KLHL4: variants seen among roughly 807,000 people sequenced by gnomAD.
The protein encoded by KLHL4 is kelch like family member 4.
In KLHL4, 17 loss-of-function variants were observed where a neutral mutation model predicts 45.8. That is an observed-to-expected ratio of 0.37 (90% CI 0.25 to 0.56). The LOEUF is 0.56. Among genes scored for constraint, KLHL4 ranks in the 20% least tolerant of loss-of-function variants. The pLI, the probability that KLHL4 is intolerant of heterozygous loss-of-function variation, is 0.79. For synonymous variants in KLHL4, 224 were observed against 189.9 expected (o/e 1.18, Z -1.47); for missense variants, 544 against 544.9 (o/e 1.00, Z 0.02).
intron 1 of KLHL4, among the ~76,000 whole-genome samples, chrX:87,605,190 G>T (rs1197268143): frequency 4.5e-5 from 5 of 111,393 alleles, no homozygotes; most frequent in African/African-American, 1.6e-4. Context: ...TTGAAGTTAG[G>T]TAGCATGATG....
At chrX:87,643,558 T>C (rs937401915) in intron 9 of KLHL4, among the ~76,000 whole-genome samples, 2 of 111,703 alleles carry the variant, frequency 1.8e-5, no homozygotes, top group African/African-American at 6.5e-5. Context: ...ATTCATTCTA[T>C]GAAGCCAGCA....
At chrX:87,583,852 G>A (rs965073901) in intron 1 of KLHL4, among the ~76,000 whole-genome samples, 1 of 111,012 alleles carries the variant, frequency 9.0e-6, no homozygotes, top group African/African-American at 3.3e-5. Flanking sequence ...ACCACAAGGG[G>A]GCAGAGCACA....
At chrX:87,623,288 C>CTTTTTTTTTTTTTTTTT (rs67869297) in intron 5 of KLHL4, among the ~76,000 whole-genome samples, 1 of 50,202 alleles carries the variant, frequency 2.0e-5, no homozygotes, top group Non-Finnish European at 3.3e-5. Flanking sequence ...TTCCTTTTTT[C>CTTTTTTTTTTTTTTTTT]TTTTTTTTTT....
intron 1 of KLHL4, among the ~76,000 whole-genome samples, chrX:87,591,121 C>T (rs192517978): frequency 1.8e-4 from 20 of 111,888 alleles, no homozygotes; most frequent in African/African-American, 6.5e-4. Context: ...TTAGAGTTCC[C>T]TTTTCTCCCA....
chrX:87,532,004 A>G (rs1188967988), intron 1 of KLHL4, among the ~76,000 whole-genome samples: 27 of 108,168 alleles, frequency 2.5e-4, no homozygotes, highest in Non-Finnish European at 3.6e-4. Flanking sequence ...TATGGAACCA[A>G]AAAAGAGCCC....
intron 9 of KLHL4, among the ~76,000 whole-genome samples, chrX:87,652,884 C>T (rs944145187): frequency 2.7e-5 from 3 of 111,930 alleles, no homozygotes; most frequent in African/African-American, 9.7e-5. Context: ...AAAGACATAC[C>T]CAAGACTGGG....
At chrX:87,558,140 A>C (rs779362983) in intron 1 of KLHL4, among the ~76,000 whole-genome samples, 10 of 111,771 alleles carry the variant, frequency 8.9e-5, no homozygotes, top group Non-Finnish European at 1.3e-4. Context: ...TTTTTGTTCT[A>C]GGGCATTTTG....
At chrX:87,633,646 A>T in intron 7 of KLHL4, 103 bp from the exon 8 acceptor site, 1 of 655,379 alleles carries the variant, frequency 1.5e-6, no homozygotes, top group Non-Finnish European at 2.2e-6. Context: ...ATCGTTTAAT[A>T]AGCAAAACAA....
At chrX:87,614,620 CATT>C (rs1012435017) in intron 3 of KLHL4, 50 bp downstream of exon 3, 4 of 1,073,933 alleles carry the variant, frequency 3.7e-6, no homozygotes, top group Non-Finnish European at 5.1e-6. Flanking sequence ...TTACATAACA[CATT>C]ATTATTAGTA....
chrX:87,539,345 A>T (rs974086378), intron 1 of KLHL4, among the ~76,000 whole-genome samples: 1 of 110,619 alleles, frequency 9.0e-6, no homozygotes, highest in African/African-American at 3.3e-5. Flanking sequence ...AAAATAAAAA[A>T]TATACCATGT....
At chrX:87,642,378 A>G (rs931197194) in intron 9 of KLHL4, among the ~76,000 whole-genome samples, 10 of 111,790 alleles carry the variant, frequency 8.9e-5, no homozygotes, top group African/African-American at 3.3e-4. Context: ...GTGGGACAAA[A>G]GAAATCTGAA....
At position 87,530,047 on chromosome X, in the gene KLHL4, G is replaced by A. The variant is rs1384350863; in HGVS notation, c.422+11732G>A. 9.0e-5 allele frequency among the ~76,000 whole-genome samples: 10 copies of A among 110,681 alleles called. No homozygotes were observed. The East Asian group carries it at 1.7e-3, about 19-fold the overall frequency. ...GCCCTTTGTCAGATGAGTAGGTTGC[G>A]AAAATTTTCTCCCATTTTGTAGGTT... is the stretch of plus-strand genomic sequence containing the variant. On this transcript the variant is annotated intron_variant, in intron 1 of 10. Coordinates refer to ENST00000373119, the MANE Select transcript of KLHL4 (RefSeq NM_019117.5).
intron 1 of KLHL4, among the ~76,000 whole-genome samples, chrX:87,584,808 A>G (rs1921407352): frequency 9.1e-6 from 1 of 109,472 alleles, no homozygotes; most frequent in Admixed American, 9.8e-5. Context: ...GTTCATTTAA[A>G]GGGATAATAA....
intron 1 of KLHL4, among the ~76,000 whole-genome samples, chrX:87,578,865 C>G (rs1276935463): frequency 2.7e-5 from 3 of 112,047 alleles, no homozygotes; most frequent in African/African-American, 9.7e-5. Context: ...TACAATGTAA[C>G]ACAGCTTTGT....
intron 1 of KLHL4, among the ~76,000 whole-genome samples, chrX:87,555,129 A>C (rs1163616716): frequency 9.8e-6 from 1 of 101,699 alleles, no homozygotes; most frequent in Admixed American, 1.2e-4. Context: ...CCAGTATTTT[A>C]TTGAGGATTT....
In KLHL4 at chrX:87,631,758, A is replaced by AAC. The variant is rs750199674; in HGVS notation, c.1325-440_1325-439dup. ...ATAAACACACACACACATACACACA[A>AAC]ACACACACACACAAATAAACACACA... On this transcript the variant is annotated intron_variant, in intron 6 of 10. Transcript: ENST00000373119. Among the ~76,000 whole-genome samples, 679 of 111,540 alleles carry AAC rather than the reference A, an allele frequency of 6.1e-3. 2 individuals are homozygous for AAC. The highest frequency in any genetic ancestry group is 0.011 in the Non-Finnish European group (562 of 52,936).
chrX:87,572,898 T>C (rs1932363850), intron 1 of KLHL4, among the ~76,000 whole-genome samples: 1 of 110,306 alleles, frequency 9.1e-6, no homozygotes, highest in Non-Finnish European at 1.9e-5. Context: ...TAAAGAAGAA[T>C]TGGTTTGCTG....
intron 3 of KLHL4, among the ~76,000 whole-genome samples, chrX:87,617,211 G>GT (rs751538627): frequency 0.29 from 30,148 of 102,741 alleles, 3,375 homozygotes; most frequent in African/African-American, 0.37. Flanking sequence ...AAAAGAGACT[G>GT]TTTTTTTTTT....
chrX:87,630,121 A>G (rs1193909224), intron 6 of KLHL4, among the ~76,000 whole-genome samples: 1 of 111,558 alleles, frequency 9.0e-6, no homozygotes, highest in African/African-American at 3.3e-5. Context: ...GAGGAAGGAA[A>G]CACTGTTTCC....
Sources: allele counts gnomAD v4.1 joint callset (sites outside exome capture counted in the v4.1 genomes callset), GRCh38; gene constraint gnomAD v4.1.1; transcripts MANE v1.5; gene names NCBI Gene and HGNC (gene_info 2026-07-23, HGNC 2026-07-21).